PCYT1B: variants seen among roughly 807,000 people sequenced by gnomAD.
PCYT1B encodes the protein choline-phosphate cytidylyltransferase B.
In PCYT1B, 10 loss-of-function variants were observed where a neutral mutation model predicts 26.4. The observed-to-expected ratio is 0.38, with a 90% CI of 0.23 to 0.64. The LOEUF is 0.64. Among genes scored for constraint, PCYT1B ranks in the 30% least tolerant of loss-of-function variants. The pLI is 0.56. For missense variants in PCYT1B, 161 were observed against 292.7 expected, an observed-to-expected ratio of 0.55 and a Z score of 3.28; for synonymous variants, 131 against 108.4, an observed-to-expected ratio of 1.21 and a Z score of -1.29.
rs56270661 is a variant in PCYT1B at position 24,558,807 on chromosome X, C to T, written c.*3486G>A. 1 of 109,937 alleles carries T rather than the reference C, an allele frequency of 9.1e-6. No individual in the cohort carries two copies. The highest frequency in any genetic ancestry group is 1.9e-5 in the Non-Finnish European group (1 of 52,784). The allele number at this position is 109,937 out of a possible 1,213,427, so 9.1% of individuals were successfully genotyped here. On this transcript the variant is annotated 3_prime_UTR_variant, in exon 8 of 8. Transcript: ENST00000379144. ...GCCAGAAGCAAGTCGTTCAGTGTGA[C>T]TTATGGCACAGCAATCCCACCCTTG...
intron 1 of PCYT1B, among the ~76,000 whole-genome samples, chrX:24,637,281 G>A (rs970535900): frequency 9.4e-6 from 1 of 106,463 alleles, no homozygotes; most frequent in African/African-American, 3.5e-5. Context: ...TGAACTATGT[G>A]TCATGGAAAT....
chrX:24,651,475 ATAT>A (rs1926776760), upstream of PCYT1B, among the ~76,000 whole-genome samples: 113 of 30,611 alleles, frequency 3.7e-3, no homozygotes, highest in African/African-American at 6.8e-3. Flanking sequence ...AAAAAAAAAT[ATAT>A]ATATATATAT....
intron 1 of PCYT1B, among the ~76,000 whole-genome samples, chrX:24,624,131 G>A (rs982034449): frequency 1.3e-4 from 14 of 109,791 alleles, no homozygotes; most frequent in Non-Finnish European, 2.7e-4. Context: ...CACCACACCC[G>A]GCTAATTTTT....
chrX:24,664,098 T>C (rs1156615603), intron 1 of PCYT1B, among the ~76,000 whole-genome samples: 1 of 110,559 alleles, frequency 9.0e-6, no homozygotes, highest in Non-Finnish European at 1.9e-5. Context: ...TTGTCATGAC[T>C]TGGGGAAGGG....
At chrX:24,598,347 T>C (rs972636519) in intron 3 of PCYT1B, among the ~76,000 whole-genome samples, 2 of 111,590 alleles carry the variant, frequency 1.8e-5, no homozygotes, top group Non-Finnish European at 3.8e-5. Context: ...AATTACTTTT[T>C]AATAATATAT....
At chrX:24,620,683 T>A (rs902831495) in intron 1 of PCYT1B, among the ~76,000 whole-genome samples, 1 of 112,099 alleles carries the variant, frequency 8.9e-6, no homozygotes, top group Non-Finnish European at 1.9e-5. Flanking sequence ...TGAAAGGAAC[T>A]GACACTCACT....
At chrX:24,658,198 T>G (rs1374863656) in intron 1 of PCYT1B, 1 of 112,133 alleles carries the variant, frequency 8.9e-6, no homozygotes, top group African/African-American at 3.2e-5. Flanking sequence ...ATTATTACAA[T>G]CATCGGACTT....
chrX:24,666,316 T>A (rs1236802079), intron 1 of PCYT1B, among the ~76,000 whole-genome samples: 2 of 111,389 alleles, frequency 1.8e-5, no homozygotes. Context: ...ATAAATGTGA[T>A]CATCTCCACT....
rs967646681 is a variant in PCYT1B at position 24,671,352 on chromosome X, T to TCAAC, written c.63+1217_63+1218insGTTG. On this transcript the variant is annotated intron_variant, in intron 1 of 7. Coordinates refer to the PCYT1B transcript ENST00000379145. ...ATGAATGAATGAATGAATCAATCAATCAATCAATCAATGCCTCCTGATTCC... is the reference window on the plus strand; with the variant it reads ...ATGAATGAATGAATGAATCAATCAATCAACCAATCAATCAATGCCTCCTGATTCC... Among the ~76,000 whole-genome samples the TCAAC allele has an allele frequency of 7.2e-5, 8 of 110,384 alleles. No individual in the cohort carries two copies. In the East Asian group the frequency reaches 2.0e-3, roughly 27 times the overall value.
rs887805777 is a variant in PCYT1B, at chrX:24,574,981, T to A, written c.897+149A>T. Reference sequence around the variant, plus strand: ...GTAAAGCAGAAACTCAGTAAGGAAGTGACATGGACTTGAAGTCATTCAGGC... The same window carrying A: ...GTAAAGCAGAAACTCAGTAAGGAAGAGACATGGACTTGAAGTCATTCAGGC... On this transcript the variant is annotated intron_variant, in intron 7 of 7. Transcript: ENST00000379144. 5 of 388,688 alleles carry A rather than the reference T, an allele frequency of 1.3e-5. No homozygotes were observed. The Middle Eastern group carries it at 1.6e-3, about 124-fold the overall frequency. 32.0% of individuals were successfully genotyped at this position (388,688 alleles called of 1,213,427 possible). A position where few individuals can be genotyped will look rare whatever the true frequency, so the allele number is the denominator to read the frequency against.
intron 1 of PCYT1B, among the ~76,000 whole-genome samples, chrX:24,654,765 A>AAAAAAAAAAG (rs1926868285): frequency 9.4e-6 from 1 of 106,569 alleles, no homozygotes; most frequent in Non-Finnish European, 1.9e-5. Context: ...AAAAAAAAAA[A>AAAAAAAAAAG]AAAAAAAGAA....
At chrX:24,604,749 A>G (rs1925071253) in intron 3 of PCYT1B, among the ~76,000 whole-genome samples, 1 of 111,447 alleles carries the variant, frequency 9.0e-6, no homozygotes, top group Admixed American at 9.6e-5. Context: ...CTGTTCCCAG[A>G]AGTCTACATA....
chrX:24,642,889 A>G (rs1411969287), intron 1 of PCYT1B, among the ~76,000 whole-genome samples: 2 of 111,919 alleles, frequency 1.8e-5, no homozygotes, highest in African/African-American at 6.5e-5. Flanking sequence ...AACTGACATA[A>G]TGCACCTTCT....
intron 3 of PCYT1B, among the ~76,000 whole-genome samples, chrX:24,593,984 G>A (rs1379865751): frequency 9.0e-6 from 1 of 111,178 alleles, no homozygotes; most frequent in Admixed American, 9.6e-5. Context: ...TCAACCATAT[G>A]TCTGGCCTGA....
chrX:24,647,446 A>C, upstream of PCYT1B: 8 of 154,583 alleles, frequency 5.2e-5, no homozygotes, highest in Non-Finnish European at 8.8e-5. Context: ...GCCGGGCCCC[A>C]TTGGCTAGCC....
At chrX:24,596,561 C>T (rs1265109994) in intron 3 of PCYT1B, among the ~76,000 whole-genome samples, 2 of 103,618 alleles carry the variant, frequency 1.9e-5, no homozygotes, top group Non-Finnish European at 3.9e-5. Context: ...TACTGTATTC[C>T]AGCCTGGGCA....
intron 3 of PCYT1B, among the ~76,000 whole-genome samples, chrX:24,593,075 C>T (rs1313049509): frequency 1.8e-5 from 2 of 111,494 alleles, no homozygotes; most frequent in Middle Eastern, 4.6e-3. Context: ...TGATCCTCTG[C>T]TGCATTACTT....
At chrX:24,649,426 T>C (rs908990586), upstream of PCYT1B, among the ~76,000 whole-genome samples, 4 of 111,454 alleles carry the variant, frequency 3.6e-5, no homozygotes, top group Admixed American at 3.8e-4. Flanking sequence ...CCAGACCTAC[T>C]GAATCAAAAC....
At chrX:24,632,184 T>C in intron 1 of PCYT1B, 1 of 112,389 alleles carries the variant, frequency 8.9e-6, no homozygotes, top group Non-Finnish European at 1.9e-5. Flanking sequence ...TTGGTCTTTA[T>C]TTAGAAGTGT....
Sources: gnomAD v4.1 joint callset for allele counts (sites outside exome capture counted in the v4.1 genomes callset) on GRCh38, gnomAD v4.1.1 for gene constraint, MANE v1.5 for transcripts, NCBI Gene and HGNC (gene_info 2026-07-23, HGNC 2026-07-21) for gene names.